The following OLFM3 variants were observed in gnomAD, a reference collection of about 807,000 sequenced individuals.
OLFM3 encodes the protein olfactomedin 3.
In OLFM3, 20 loss-of-function variants were observed where a neutral mutation model predicts 48.6. That is an observed-to-expected ratio of 0.41 (90% CI 0.29 to 0.60). OLFM3 has a LOEUF of 0.60. Ranked by LOEUF, OLFM3 falls within the 20% of genes least tolerant of loss-of-function variation. OLFM3 has a pLI of 0.28. For synonymous variants in OLFM3, 222 were observed against 198.1 expected (o/e 1.12, Z -1.01); for missense variants, 437 against 544.3 (o/e 0.80, Z 1.96).
At chr1:101,861,720 A>T (rs1157230569) in intron 1 of OLFM3, among the ~76,000 whole-genome samples, 2 of 152,190 alleles carry the variant, frequency 1.3e-5, no homozygotes, top group African/African-American at 4.8e-5. Context: ...CTTTGTAGTC[A>T]TGTAGACCTG....
intron 1 of OLFM3, among the ~76,000 whole-genome samples, chr1:101,983,384 C>T (rs1264401492): frequency 1.3e-5 from 2 of 152,206 alleles, no homozygotes; most frequent in Admixed American, 1.3e-4. Flanking sequence ...ACTCTCAACC[C>T]TGCCACATTC....
intron 1 of OLFM3, among the ~76,000 whole-genome samples, chr1:101,922,979 A>G (rs1659147365): frequency 6.6e-6 from 1 of 152,210 alleles, no homozygotes; most frequent in Admixed American, 6.5e-5. Context: ...AATTTCTCCC[A>G]ATATAAAGAT....
chr1:101,885,115 A>G (rs907660745), intron 1 of OLFM3, among the ~76,000 whole-genome samples: 1 of 152,044 alleles, frequency 6.6e-6, no homozygotes, highest in African/African-American at 2.4e-5. Flanking sequence ...GATGTTGCAC[A>G]TGTCTTCACA....
At chr1:101,935,806 A>T (rs983892772) in intron 1 of OLFM3, among the ~76,000 whole-genome samples, 2 of 151,978 alleles carry the variant, frequency 1.3e-5, no homozygotes, top group Non-Finnish European at 1.5e-5. Flanking sequence ...ACCCTAGGAT[A>T]CAAGATTAAA....
chr1:101,823,172 T>C (rs949936030), intron 4 of OLFM3, among the ~76,000 whole-genome samples: 3 of 152,022 alleles, frequency 2.0e-5, no homozygotes, highest in Non-Finnish European at 4.4e-5. Context: ...GTGAACATGA[T>C]AGACATTGTT....
At chr1:101,871,710 A>T (rs1657091393) in intron 1 of OLFM3, among the ~76,000 whole-genome samples, 1 of 152,100 alleles carries the variant, frequency 6.6e-6, no homozygotes, top group South Asian at 2.1e-4. Flanking sequence ...AAGAGTTAAA[A>T]TTTTTGATAT....
chr1:101,868,271 T>C (rs369975884), intron 1 of OLFM3, among the ~76,000 whole-genome samples: 2 of 152,146 alleles, frequency 1.3e-5, no homozygotes, highest in East Asian at 1.9e-4. Flanking sequence ...GAAGAAGATA[T>C]GAACACGTAG....
intron 1 of OLFM3, among the ~76,000 whole-genome samples, chr1:101,864,594 A>G (rs574001624): frequency 1.3e-5 from 2 of 152,240 alleles, no homozygotes; most frequent in African/African-American, 4.8e-5. Context: ...GTATGCCATA[A>G]CCCTTCTTGT....
chr1:101,983,575 T>C (rs1169888495), intron 1 of OLFM3, among the ~76,000 whole-genome samples: 1 of 152,246 alleles, frequency 6.6e-6, no homozygotes, highest in Non-Finnish European at 1.5e-5. Flanking sequence ...AAGTATTTAT[T>C]GAAAAAGTAG....
chr1:101,856,357 A>G (rs1656408023), intron 1 of OLFM3, among the ~76,000 whole-genome samples: 1 of 151,912 alleles, frequency 6.6e-6, no homozygotes, highest in Non-Finnish European at 1.5e-5. Flanking sequence ...AGCCATATAA[A>G]CCCTTTACTT....
chr1:101,845,501 T>C (rs910495491), intron 1 of OLFM3, among the ~76,000 whole-genome samples: 1 of 152,212 alleles, frequency 6.6e-6, no homozygotes, highest in African/African-American at 2.4e-5. Flanking sequence ...TTCATTATCC[T>C]GCAAGAGTTA....
chr1:101,950,303 AT>A (rs900148083), intron 1 of OLFM3, among the ~76,000 whole-genome samples: 1 of 152,184 alleles, frequency 6.6e-6, no homozygotes, highest in African/African-American at 2.4e-5. Context: ...CTCAAATGTC[AT>A]TTTAACAGAG....
intron 4 of OLFM3, among the ~76,000 whole-genome samples, chr1:101,818,214 C>A (rs1654427657): frequency 6.6e-6 from 1 of 152,040 alleles, no homozygotes; most frequent in Non-Finnish European, 1.5e-5. Flanking sequence ...GAAATCCCAA[C>A]TAATTTTACA....
At chr1:101,942,079 C>A (rs1659812871) in intron 1 of OLFM3, among the ~76,000 whole-genome samples, 1 of 152,116 alleles carries the variant, frequency 6.6e-6, no homozygotes, top group South Asian at 2.1e-4. Context: ...TATTTGGATT[C>A]TAATTACAAC....
intron 1 of OLFM3, among the ~76,000 whole-genome samples, chr1:101,995,688 C>T: frequency 6.6e-6 from 1 of 152,114 alleles, no homozygotes; most frequent in East Asian, 1.9e-4. Flanking sequence ...TGAAAGGAAA[C>T]TTAATTTGTC....
chr1:101,838,460 A>G (rs1426468882), intron 1 of OLFM3, among the ~76,000 whole-genome samples: 1 of 152,240 alleles, frequency 6.6e-6, no homozygotes, highest in African/African-American at 2.4e-5. Context: ...TTTTTCAGCA[A>G]GAACATCAAT....
intron 1 of OLFM3, among the ~76,000 whole-genome samples, chr1:101,840,133 G>T (rs985682443): frequency 1.3e-5 from 2 of 152,080 alleles, no homozygotes; most frequent in African/African-American, 4.8e-5. Context: ...CGGATGGAAG[G>T]ACGTATTTAG....
intron 4 of OLFM3, among the ~76,000 whole-genome samples, chr1:101,811,355 A>G (rs1347962022): frequency 6.6e-6 from 1 of 152,148 alleles, no homozygotes. Context: ...TAATTAAACT[A>G]AAGAGCTTCT....
intron 4 of OLFM3, among the ~76,000 whole-genome samples, chr1:101,809,032 A>G (rs1285718656): frequency 1.3e-5 from 2 of 151,644 alleles, no homozygotes; most frequent in South Asian, 2.1e-4. Context: ...TTATCTCCAA[A>G]ATAAAGCAAA....
Sources: allele counts gnomAD v4.1 joint callset (sites outside exome capture counted in the v4.1 genomes callset), GRCh38; gene constraint gnomAD v4.1.1; transcripts MANE v1.5; gene names NCBI Gene and HGNC (gene_info 2026-07-23, HGNC 2026-07-21).